Variants in METAP1D observed in about 807,000 individuals in gnomAD.
METAP1D encodes the protein methionine aminopeptidase 1D, mitochondrial.
A neutral mutation model predicts 40.5 loss-of-function variants in METAP1D; 31 were observed. That is an observed-to-expected ratio of 0.77 (90% CI 0.58 to 1.03). The LOEUF is 1.03. Among genes scored for constraint, METAP1D ranks in the 50% least tolerant of loss-of-function variants. METAP1D has a pLI of 0.00. For missense variants in METAP1D, 411 were observed against 420.7 expected, an observed-to-expected ratio of 0.98 and a Z score of 0.20; for synonymous variants, 151 against 146.4, an observed-to-expected ratio of 1.03 and a Z score of -0.22.
intron 1 of METAP1D, among the ~76,000 whole-genome samples, chr2:172,042,879 A>G (rs533500061): frequency 8.1e-6 from 1 of 124,002 alleles, no homozygotes; most frequent in Non-Finnish European, 1.9e-5. Context: ...GTATGTGTGT[A>G]AATATGTACA....
At chr2:172,001,700 A>G (rs1041925088) in intron 1 of METAP1D, among the ~76,000 whole-genome samples, 1 of 152,144 alleles carries the variant, frequency 6.6e-6, no homozygotes. Flanking sequence ...TGTATGGGGA[A>G]GGTGATGTAG....
chr2:172,005,488 A>C (rs866985887), intron 1 of METAP1D, among the ~76,000 whole-genome samples: 1 of 141,858 alleles, frequency 7.0e-6, no homozygotes, highest in South Asian at 2.3e-4. Flanking sequence ...GTTCCTTTTT[A>C]TGTCTGAGTA....
chr2:172,045,831 A>G lies in METAP1D; in HGVS notation c.41-15667A>G, dbSNP rs1432809799. ...TGTGTGTGTGTGTGTATATATATAT[A>G]TATATATATATATATATATATATAT... On this transcript the variant is annotated intron_variant, in intron 1 of 9. Transcript: ENST00000315796. 8.8e-3 allele frequency among the ~76,000 whole-genome samples: 672 copies of G among 76,134 alleles called. 8 individuals carry two copies. The highest frequency in any genetic ancestry group is 0.025 in the Admixed American group (181 of 7,198). 49.9% of individuals were successfully genotyped at this position (76,134 alleles called of 152,430 possible). A position where few individuals can be genotyped will look rare whatever the true frequency, so the allele number is the denominator to read the frequency against.
chr2:172,016,292 A>AT (rs1688855024), intron 1 of METAP1D, among the ~76,000 whole-genome samples: 1 of 75,948 alleles, frequency 1.3e-5, no homozygotes, highest in Non-Finnish European at 2.8e-5. Flanking sequence ...AAAAAAAAAA[A>AT]AAAAAAAAAT....
chr2:172,075,846 G>A (rs2105499537), intron 6 of METAP1D, among the ~76,000 whole-genome samples: 1 of 152,248 alleles, frequency 6.6e-6, no homozygotes, highest in South Asian at 2.1e-4. Context: ...GGGAAATTTG[G>A]CCTGTTCTTT....
intron 6 of METAP1D, 108 bp from the exon 7 acceptor site, chr2:172,077,689 T>C: frequency 1.8e-6 from 1 of 565,966 alleles, no homozygotes; most frequent in African/African-American, 1.9e-5. Flanking sequence ...CTCTAAATAT[T>C]ACTGACTTTT....
chr2:172,028,121 T>C (rs1689161542), intron 1 of METAP1D, among the ~76,000 whole-genome samples: 1 of 152,092 alleles, frequency 6.6e-6, no homozygotes, highest in African/African-American at 2.4e-5. Context: ...AACGTGCGTT[T>C]AGGGAAATAA....
chr2:172,072,420 T>C (rs1436166106), intron 6 of METAP1D: 1 of 167,374 alleles, frequency 6.0e-6, no homozygotes, highest in African/African-American at 2.4e-5. Context: ...TGGCTGTGTC[T>C]AAAGGGCATG....
At chr2:172,013,891 G>T (rs1398874344) in intron 1 of METAP1D, among the ~76,000 whole-genome samples, 1 of 150,072 alleles carries the variant, frequency 6.7e-6, no homozygotes, top group Non-Finnish European at 1.5e-5. Context: ...CGTGATCTTG[G>T]CTCAGGGCAA....
chr2:172,061,970 GA>G (rs11324116), intron 2 of METAP1D: 48,582 of 168,288 alleles, frequency 0.29, 7,337 homozygotes, highest in African/African-American at 0.35. Context: ...CTGTTTTAGA[GA>G]AAAAAAATTG....
chr2:172,051,527 C>T (rs1689883761), intron 1 of METAP1D, among the ~76,000 whole-genome samples: 1 of 152,148 alleles, frequency 6.6e-6, no homozygotes, highest in African/African-American at 2.4e-5. Context: ...CTATCAGTTG[C>T]TATTGATAAT....
intron 1 of METAP1D, among the ~76,000 whole-genome samples, chr2:172,002,878 T>G (rs187892582): frequency 4.6e-5 from 7 of 152,232 alleles, no homozygotes; most frequent in African/African-American, 1.7e-4. Flanking sequence ...TTTAACCTTT[T>G]AAAAAAGGCA....
intron 1 of METAP1D, among the ~76,000 whole-genome samples, chr2:172,015,122 T>A (rs1452985964): frequency 1.3e-5 from 2 of 152,244 alleles, no homozygotes; most frequent in Non-Finnish European, 2.9e-5. Flanking sequence ...ACTTATTTAC[T>A]TAATTCCACT....
chr2:172,023,999 C>T (rs1027017152), intron 1 of METAP1D, among the ~76,000 whole-genome samples: 5 of 151,862 alleles, frequency 3.3e-5, no homozygotes, highest in African/African-American at 1.2e-4. Flanking sequence ...GGACTACAGG[C>T]GCCCGCCACC....
At chr2:172,060,593 T>C (rs1204317292) in intron 1 of METAP1D, among the ~76,000 whole-genome samples, 1 of 152,196 alleles carries the variant, frequency 6.6e-6, no homozygotes, top group Non-Finnish European at 1.5e-5. Context: ...TTGTTAAGCA[T>C]TCACTTTTTT....
At chr2:172,041,200 C>G (rs1689513765) in intron 1 of METAP1D, among the ~76,000 whole-genome samples, 1 of 152,018 alleles carries the variant, frequency 6.6e-6, no homozygotes, top group Non-Finnish European at 1.5e-5. Context: ...GTGGCTCATT[C>G]CTGTAATCGC....
chr2:172,009,658 TTAATG>T (rs1441549586), intron 1 of METAP1D, among the ~76,000 whole-genome samples: 3 of 152,170 alleles, frequency 2.0e-5, no homozygotes, highest in Non-Finnish European at 4.4e-5. Flanking sequence ...TTACTATACC[TTAATG>T]TTAGAGTGGA....
intron 5 of METAP1D, 84 bp from the exon 6 acceptor site, chr2:172,070,823 A>C: frequency 8.8e-7 from 1 of 1,134,634 alleles, no homozygotes; most frequent in Admixed American, 2.7e-5. Context: ...TGAGTCTACT[A>C]AATACATAAA....
At position 172,065,768 on chromosome 2, in the gene METAP1D, T is replaced by A; in HGVS notation, c.497+16T>A. 1.9e-6 allele frequency: 3 copies of A among 1,610,670 alleles called. No individual in the cohort carries two copies. The highest frequency in any genetic ancestry group is 2.5e-6 in the Non-Finnish European group (3 of 1,178,528). On this transcript the variant is annotated intron_variant, in intron 4 of 9. Coordinates refer to ENST00000315796, the MANE Select transcript of METAP1D (RefSeq NM_199227.3). ...TTCCTGACAGGTATTCAGTTCTTAATAACATATTGTTCCTTTGGAAACTAA... is the reference window on the plus strand; with the variant it reads ...TTCCTGACAGGTATTCAGTTCTTAAAAACATATTGTTCCTTTGGAAACTAA...
Sources: gnomAD v4.1 joint callset for allele counts (sites outside exome capture counted in the v4.1 genomes callset) on GRCh38, gnomAD v4.1.1 for gene constraint, MANE v1.5 for transcripts, NCBI Gene and HGNC (gene_info 2026-07-23, HGNC 2026-07-21) for gene names.